Variants in CERT1 observed in about 807,000 individuals in gnomAD.
The protein encoded by CERT1 is ceramide transporter 1.
Under a neutral mutation model 87.9 loss-of-function variants are expected in CERT1, and 31 were observed. The observed-to-expected ratio is 0.35, with a 90% CI of 0.27 to 0.48. The LOEUF is 0.48. Ranked by LOEUF, CERT1 falls within the 20% of genes least tolerant of loss-of-function variation. The probability of loss-of-function intolerance (pLI) is 0.99; values close to 1 mark genes in which losing one functional copy is unlikely to be tolerated. For missense variants in CERT1, 487 were observed against 758.0 expected, an observed-to-expected ratio of 0.64 and a Z score of 4.20; for synonymous variants, 289 against 250.9, an observed-to-expected ratio of 1.15 and a Z score of -1.44.
At chr5:75,391,031 T>A (rs1762009698) in intron 11 of CERT1, among the ~76,000 whole-genome samples, 1 of 151,946 alleles carries the variant, frequency 6.6e-6, no homozygotes, top group Non-Finnish European at 1.5e-5. Flanking sequence ...AGTAGTATGA[T>A]CATAGCTCAC....
At chr5:75,448,047 G>A (rs1158032283) in intron 3 of CERT1, among the ~76,000 whole-genome samples, 1 of 152,158 alleles carries the variant, frequency 6.6e-6, no homozygotes, top group African/African-American at 2.4e-5. Context: ...TTTAAGACTT[G>A]TAAACATTGT....
chr5:75,497,999 G>C (rs1767154669), intron 2 of CERT1, among the ~76,000 whole-genome samples: 1 of 152,202 alleles, frequency 6.6e-6, no homozygotes, highest in African/African-American at 2.4e-5. Context: ...GGACAATGAA[G>C]TCCAGGGTGA....
In CERT1 at chr5:75,381,183, G is replaced by A. The variant is rs1328603510; in HGVS notation, c.1636C>T (p.Arg546Cys). The A allele has an allele frequency of 1.2e-6, 2 of 1,614,052 alleles. No homozygotes were observed. The highest frequency in any genetic ancestry group is 1.1e-5 in the South Asian group (1 of 91,078). The change falls in exon 16 of 17, where the codon CGT becomes TGT. Residue 546 changes from arginine (R) to cysteine (C), a missense_variant. Coordinates refer to ENST00000643780, the MANE Select transcript of CERT1 (RefSeq NM_001379029.1). ...DSAPLNNRCV[R>C]AKINVAMICQ... Reference sequence around the variant, plus strand: ...ATCATAGCAACATTTATTTTGGCACGGACACATCGGTTGTTTAGCTGCCAA... The same window carrying A: ...ATCATAGCAACATTTATTTTGGCACAGACACATCGGTTGTTTAGCTGCCAA...
chr5:75,451,420 C>T (rs914520547), intron 3 of CERT1, among the ~76,000 whole-genome samples: 1 of 152,132 alleles, frequency 6.6e-6, no homozygotes, highest in Non-Finnish European at 1.5e-5. Flanking sequence ...AAATTTAAAA[C>T]TCCTGAATGT....
chr5:75,492,184 AAAAC>A (rs541948367), intron 2 of CERT1, among the ~76,000 whole-genome samples: 12 of 151,976 alleles, frequency 7.9e-5, no homozygotes, highest in East Asian at 1.9e-4. Context: ...TCTCTACCAA[AAAAC>A]AAACAAACAA....
At chr5:75,432,057 C>CCT (rs1554039839) in intron 3 of CERT1, among the ~76,000 whole-genome samples, 34 of 143,364 alleles carry the variant, frequency 2.4e-4, no homozygotes, top group Middle Eastern at 7.4e-3. Context: ...TTCCCCCCCC[C>CCT]TTTTTTTTTT....
At chr5:75,487,236 C>G (rs565759143) in intron 2 of CERT1, among the ~76,000 whole-genome samples, 39 of 152,128 alleles carry the variant, frequency 2.6e-4, no homozygotes, top group African/African-American at 8.9e-4. Context: ...GGGGAAAGGA[C>G]AGTCGCTTCA....
intron 6 of CERT1, among the ~76,000 whole-genome samples, chr5:75,418,944 A>C (rs1763256654): frequency 6.6e-6 from 1 of 152,204 alleles, no homozygotes; most frequent in Non-Finnish European, 1.5e-5. Flanking sequence ...ATACACTTTA[A>C]ATGGTATGTC....
chr5:75,511,771 C>A (rs1340325979), upstream of CERT1: 2 of 1,551,438 alleles, frequency 1.3e-6, no homozygotes, highest in South Asian at 2.4e-5. Context: ...CCGGCTCTCC[C>A]GGGTGACGAC....
chr5:75,438,930 T>C (rs927822054), intron 3 of CERT1, among the ~76,000 whole-genome samples: 2 of 148,746 alleles, frequency 1.3e-5, no homozygotes, highest in Non-Finnish European at 3.0e-5. Context: ...TCTTTTTTTT[T>C]TTCTTTTAAG....
chr5:75,459,634 C>A (rs1317948882), intron 2 of CERT1, among the ~76,000 whole-genome samples: 1 of 152,060 alleles, frequency 6.6e-6, no homozygotes, highest in Non-Finnish European at 1.5e-5. Context: ...CTGGCACATA[C>A]CACCATGCCC....
intron 2 of CERT1, among the ~76,000 whole-genome samples, chr5:75,504,073 C>T (rs1767540691): frequency 6.6e-6 from 1 of 151,838 alleles, no homozygotes; most frequent in South Asian, 2.1e-4. Flanking sequence ...CCCATTTTTA[C>T]ATCAATCATT....
At chr5:75,509,529 T>C (rs1767814155) in intron 1 of CERT1, among the ~76,000 whole-genome samples, 1 of 152,196 alleles carries the variant, frequency 6.6e-6, no homozygotes, top group African/African-American at 2.4e-5. Flanking sequence ...CAAATACATT[T>C]GTATGCATTT....
intron 3 of CERT1, among the ~76,000 whole-genome samples, chr5:75,429,201 ATT>A (rs1312696668): frequency 6.1e-5 from 9 of 147,848 alleles, no homozygotes; most frequent in African/African-American, 2.0e-4. Context: ...AATAATAATT[ATT>A]ATTATTATTA....
chr5:75,504,431 C>T (rs1404819563), intron 2 of CERT1, among the ~76,000 whole-genome samples: 1 of 152,046 alleles, frequency 6.6e-6, no homozygotes, highest in African/African-American at 2.4e-5. Context: ...ACTTGATATT[C>T]AATTCTAAAC....
chr5:75,424,791 T>C (rs1483317685), intron 5 of CERT1, among the ~76,000 whole-genome samples: 1 of 152,156 alleles, frequency 6.6e-6, no homozygotes, highest in Admixed American at 6.5e-5. Context: ...ATAATAGATA[T>C]CATTTTTTAA....
Position 75,511,543 on chromosome 5 carries a change from A to C in CERT1, c.-336T>G. 1 of 1,457,708 alleles carries C rather than the reference A, an allele frequency of 6.9e-7. No homozygotes were observed. Among genetic ancestry groups the C allele is most frequent in the African/African-American group, 1.4e-5 (1 of 70,492 alleles). 90.3% of individuals were successfully genotyped at this position (1,457,708 alleles called of 1,614,324 possible). On this transcript the variant is annotated 5_prime_UTR_variant, in exon 1 of 17. Transcript: ENST00000643780. ...TTCAAATAGGGAAGGAAAAGGGAAA[A>C]GAAGGGAAGAGAAAATCCGGCCGCT...
chr5:75,461,832 A>AC (rs1408360130), intron 2 of CERT1, among the ~76,000 whole-genome samples: 36 of 151,654 alleles, frequency 2.4e-4, no homozygotes, highest in East Asian at 7.8e-4. Flanking sequence ...AAAAAAAAAA[A>AC]AAAAACGAGA....
chr5:75,384,122 G>A (rs918784746), intron 14 of CERT1, among the ~76,000 whole-genome samples: 1 of 152,128 alleles, frequency 6.6e-6, no homozygotes, highest in Non-Finnish European at 1.5e-5. Flanking sequence ...GTTGTCACAG[G>A]AAGCTATAAT....
Sources: gnomAD v4.1 joint callset for allele counts (sites outside exome capture counted in the v4.1 genomes callset) on GRCh38, gnomAD v4.1.1 for gene constraint, MANE v1.5 for transcripts, NCBI Gene and HGNC (gene_info 2026-07-23, HGNC 2026-07-21) for gene names.